The following PCDH17 variants were observed in gnomAD, a reference collection of about 807,000 sequenced individuals.
PCDH17 encodes the protein protocadherin 17.
Under a neutral mutation model 67.7 loss-of-function variants are expected in PCDH17, and 21 were observed. That is an observed-to-expected ratio of 0.31 (90% CI 0.22 to 0.45). The LOEUF is 0.45. Among genes scored for constraint, PCDH17 ranks in the 20% least tolerant of loss-of-function variants. PCDH17 has a pLI of 1.00. For missense variants in PCDH17, 1,471 were observed against 1,564.8 expected (o/e 0.94, Z 1.01); for synonymous variants, 701 against 656.7 (o/e 1.07, Z -1.03).
chr13:57,702,075 G>A, intron 3 of PCDH17, among the ~76,000 whole-genome samples: 1 of 151,734 alleles, frequency 6.6e-6, no homozygotes, highest in East Asian at 1.9e-4. Flanking sequence ...GTGCCACCAG[G>A]CCCAGTTAAT....
rs375479235 is a variant in PCDH17, at chr13:57,632,768, G to A, written c.222G>A (p.Leu74=). ...YRVLENSAPH[L]LDVDADSGLL... is the part of the protein sequence containing the mutation. ...TGCTGGAGAACTCCGCACCGCACCT[G>A]CTGGACGTGGACGCAGACAGCGGGC... The change falls in exon 1 of 4, where the codon CTG becomes CTA. Residue 74 remains leucine, a synonymous_variant. Transcript: ENST00000377918. 4.3e-6 allele frequency: 7 copies of A among 1,612,766 alleles called. No individual in the cohort carries two copies. Among genetic ancestry groups the A allele is most frequent in the Non-Finnish European group, 5.9e-6 (7 of 1,179,942 alleles).
chr13:57,692,993 T>C (rs1254866197), intron 3 of PCDH17, among the ~76,000 whole-genome samples: 1 of 150,864 alleles, frequency 6.6e-6, no homozygotes, highest in East Asian at 1.9e-4. Flanking sequence ...TTTCTTTTTT[T>C]CAATTAAAGA....
In PCDH17 at chr13:57,724,783, T is replaced by C; in HGVS notation, c.2969T>C (p.Val990Ala). 5 of 1,614,150 alleles carry C rather than the reference T, an allele frequency of 3.1e-6. No homozygotes were observed. Among genetic ancestry groups the C allele is most frequent in the Non-Finnish European group, 4.2e-6 (5 of 1,180,014 alleles). Residue 990 changes from valine to alanine, a missense_variant, in exon 4 of 4, where the codon GTG becomes GCG. Around this residue, in one of 3 missense-constraint regions of PCDH17, gnomAD observed 297 missense variants for 298.6 expected, o/e 0.99. Transcript: ENST00000377918. The part of the protein sequence containing the change: ...ANVETETYET[V>A]NPTGKKTFCT... ...GTTGAGACTGAGACTTACGAAACTG[T>C]GAATCCCACTGGGAAAAAGACTTTT...
chr13:57,640,250 C>G (rs944354275), intron 1 of PCDH17, among the ~76,000 whole-genome samples: 13 of 151,658 alleles, frequency 8.6e-5, no homozygotes, highest in Non-Finnish European at 1.9e-4. Flanking sequence ...AGAAATGTAT[C>G]TACAAATATA....
At chr13:57,667,150 T>C (rs772805711) in intron 3 of PCDH17, among the ~76,000 whole-genome samples, 13 of 152,174 alleles carry the variant, frequency 8.5e-5, no homozygotes, top group Non-Finnish European at 1.8e-4. Context: ...ATGGCATATA[T>C]TAGCTAGATA....
intron 1 of PCDH17, among the ~76,000 whole-genome samples, chr13:57,660,757 A>G (rs968127598): frequency 6.6e-6 from 1 of 152,200 alleles, no homozygotes; most frequent in Non-Finnish European, 1.5e-5. Context: ...TTTTTAAATG[A>G]CTAGTCTTAT....
At chr13:57,706,248 A>G (rs943106563) in intron 3 of PCDH17, among the ~76,000 whole-genome samples, 5 of 152,152 alleles carry the variant, frequency 3.3e-5, no homozygotes, top group African/African-American at 9.7e-5. Context: ...TCTTACAGTC[A>G]GCAGCATCAA....
chr13:57,721,561 CACTTA>C (rs1955871955), intron 3 of PCDH17, among the ~76,000 whole-genome samples: 1 of 152,066 alleles, frequency 6.6e-6, no homozygotes, highest in Admixed American at 6.6e-5. Context: ...TTATTATACA[CACTTA>C]ACTTATTGAG....
At chr13:57,654,111 A>G (rs1955075508) in intron 1 of PCDH17, among the ~76,000 whole-genome samples, 2 of 152,170 alleles carry the variant, frequency 1.3e-5, no homozygotes, top group South Asian at 2.1e-4. Flanking sequence ...AGGAATGTGC[A>G]GAGTAAAAAT....
chr13:57,646,067 A>G (rs1954962178), intron 1 of PCDH17, among the ~76,000 whole-genome samples: 1 of 151,608 alleles, frequency 6.6e-6, no homozygotes, highest in South Asian at 2.1e-4. Flanking sequence ...ATTTTTTGAT[A>G]TATAATTTTA....
rs1009386629 is a variant in PCDH17, at chr13:57,727,281, G to A, written c.*1987G>A. On this transcript the variant is annotated 3_prime_UTR_variant, in exon 4 of 4. Transcript: ENST00000377918. ...TGTTTGAGCACTGGAGCAGAAAAAT[G>A]CATTATTTGCAAACTGGTGGATAAT... 2.6e-5 allele frequency: 4 copies of A among 152,516 alleles called. No homozygotes were observed. The highest frequency in any genetic ancestry group is 9.7e-5 in the African/African-American group (4 of 41,432). The allele number at this position is 152,516 out of a possible 1,614,324, so 9.4% of individuals were successfully genotyped here. A position where few individuals can be genotyped will look rare whatever the true frequency, so the allele number is the denominator to read the frequency against.
At chr13:57,690,049 A>G (rs1955544268) in intron 3 of PCDH17, among the ~76,000 whole-genome samples, 1 of 151,828 alleles carries the variant, frequency 6.6e-6, no homozygotes, top group Non-Finnish European at 1.5e-5. Context: ...TAGGAAGTTA[A>G]AGTAAAATTA....
At position 57,632,624 on chromosome 13, in the gene PCDH17, G is replaced by A; in HGVS notation, c.78G>A (p.Pro26=). 1.2e-6 allele frequency: 2 copies of A among 1,613,618 alleles called. No homozygotes were observed. The highest frequency in any genetic ancestry group is 8.5e-7 in the Non-Finnish European group (1 of 1,179,968). ...TCAAGAACCTCAACTACTCCGTGCC[G>A]GAGGAGCAAGGGGCCGGCACGGTGA... is the stretch of plus-strand genomic sequence containing the variant. The part of the protein sequence containing the change: ...LTLKNLNYSV[P]EEQGAGTVIG... Residue 26 remains proline, a synonymous_variant, in exon 1 of 4, where the codon CCG becomes CCA. Transcript: ENST00000377918.
Position 57,633,719 on chromosome 13 carries a change from C to T in PCDH17, c.1173C>T (p.Val391=). The change falls in exon 1 of 4, where the codon GTC becomes GTT. Residue 391 remains valine (V), a synonymous_variant. Transcript: ENST00000377918. This position sits in a 1 kb window ranked among gnomAD's most constrained non-coding sequence, Gnocchi z 6.2. The part of the protein sequence containing the change: ...SGKNGQLQCR[V]LGGGGTGGGG... ...AGAACGGACAGCTGCAGTGTCGGGTCCTAGGCGGAGGAGGGACGGGCGGCG... is the reference window on the plus strand; with the variant it reads ...AGAACGGACAGCTGCAGTGTCGGGTTCTAGGCGGAGGAGGGACGGGCGGCG... 1 of 1,601,386 alleles carries T rather than the reference C, an allele frequency of 6.2e-7. No individual in the cohort carries two copies. Among genetic ancestry groups the T allele is most frequent in the South Asian group, 1.1e-5 (1 of 90,904 alleles).
At chr13:57,704,671 C>T (rs1311644499) in intron 3 of PCDH17, among the ~76,000 whole-genome samples, 1 of 151,472 alleles carries the variant, frequency 6.6e-6, no homozygotes, top group Non-Finnish European at 1.5e-5. Flanking sequence ...TGCTATGCTA[C>T]AATAAAACAT....
At chr13:57,718,904 G>A (rs1955848042) in intron 3 of PCDH17, among the ~76,000 whole-genome samples, 2 of 151,964 alleles carry the variant, frequency 1.3e-5, no homozygotes, top group South Asian at 4.1e-4. Context: ...TACCATTAAA[G>A]CCTCTTAACA....
At chr13:57,698,695 C>T (rs1033093285) in intron 3 of PCDH17, among the ~76,000 whole-genome samples, 16 of 151,792 alleles carry the variant, frequency 1.1e-4, no homozygotes, top group Admixed American at 1.1e-3. Flanking sequence ...CACTCTGAAG[C>T]TGATTCATTC....
intron 3 of PCDH17, among the ~76,000 whole-genome samples, chr13:57,718,713 GT>G (rs1447366442): frequency 2.0e-5 from 3 of 151,908 alleles, no homozygotes; most frequent in African/African-American, 7.2e-5. Context: ...TTTATTAGAG[GT>G]ATGTTGGACC....
intron 1 of PCDH17, among the ~76,000 whole-genome samples, chr13:57,653,073 A>G (rs188660049): frequency 4.6e-5 from 7 of 152,276 alleles, no homozygotes; most frequent in Non-Finnish European, 7.4e-5. Flanking sequence ...TTGTGTAGTA[A>G]AAGTATTCAC....
Sources: gnomAD v4.1 joint callset for allele counts (sites outside exome capture counted in the v4.1 genomes callset) on GRCh38, gnomAD v4.1.1 for gene constraint, gnomAD v4.1.1 regional missense constraint, Gnocchi (gnomAD v3.1) non-coding constraint, MANE v1.5 for transcripts, NCBI Gene and HGNC (gene_info 2026-07-23, HGNC 2026-07-21) for gene names.